NFE2L1: variants seen among roughly 807,000 people sequenced by gnomAD.
NFE2L1 encodes endoplasmic reticulum membrane sensor NFE2L1.
A neutral mutation model predicts 61.6 loss-of-function variants in NFE2L1; 18 were observed. The ratio of observed to expected loss-of-function variants is 0.29; its 90% CI spans 0.20 to 0.43. The LOEUF (loss-of-function observed/expected upper bound fraction) is 0.43, where lower values mean the gene tolerates loss of function less well. Ranked by LOEUF, NFE2L1 falls within the 20% of genes least tolerant of loss-of-function variation. NFE2L1 has a pLI of 1.00. For synonymous variants in NFE2L1, 419 were observed against 402.7 expected (o/e 1.04, Z -0.48); for missense variants, 827 against 973.5 (o/e 0.85, Z 2.00).
At position 48,050,926 on chromosome 17, in the gene NFE2L1, G is replaced by A; in HGVS notation, c.-193G>A. ...TGAATGTGGTCTGGAGTGTGTCCTTGGCCTTGGCTCCACAGGGTGTGCTTT... is the reference window on the plus strand; with the variant it reads ...TGAATGTGGTCTGGAGTGTGTCCTTAGCCTTGGCTCCACAGGGTGTGCTTT... On this transcript the variant is annotated 5_prime_UTR_variant, in exon 2 of 6. An upstream open reading frame in the 5' UTR gains an earlier in-frame stop. Transcript: ENST00000362042. The A allele has an allele frequency of 1.6e-6, 1 of 643,226 alleles. No homozygotes were observed. The highest frequency in any genetic ancestry group is 2.7e-5 in the Admixed American group (1 of 37,214). The allele number at this position is 643,226 out of a possible 1,614,324, so 39.8% of individuals were successfully genotyped here. A position where few individuals can be genotyped will look rare whatever the true frequency, so the allele number is the denominator to read the frequency against.
At chr17:48,053,573 T>C (rs959995320) in intron 2 of NFE2L1, among the ~76,000 whole-genome samples, 21 of 152,208 alleles carry the variant, frequency 1.4e-4, no homozygotes, top group African/African-American at 5.1e-4. Context: ...CCCCTTGAGA[T>C]TGGCATTCTG....
In NFE2L1 at chr17:48,058,740, T is replaced by C; in HGVS notation, c.1418T>C (p.Phe473Ser). ...PVQASQLEEEFDSDSGLSLDS... is the reference protein window; with the variant it reads ...PVQASQLEEESDSDSGLSLDS... ...CAGGCCTCCCAGCTGGAGGAGGAAT[T>C]TGACTCTGACTCAGGCCTTTCCTTA... Residue 473 changes from phenylalanine to serine, a missense_variant, in exon 6 of 6, where the codon TTT becomes TCT. Physicochemically the swap from Phe to Ser is radical, Grantham distance 155. Around this residue, in one of 3 missense-constraint regions of NFE2L1, gnomAD observed 667 missense variants for 748.4 expected, o/e 0.89. Coordinates refer to ENST00000362042, the MANE Select transcript of NFE2L1 (RefSeq NM_003204.3). 6.2e-7 allele frequency: 1 copy of C among 1,614,210 alleles called. No homozygotes were observed. The highest frequency in any genetic ancestry group is 8.5e-7 in the Non-Finnish European group (1 of 1,180,024).
rs1555575585 is a variant in NFE2L1 at position 48,060,045 on chromosome 17, C to CCCT, written c.*406_*407insTCC. 2.0e-5 allele frequency: 3 copies of CCCT among 150,104 alleles called. 1 individual carries two copies. The highest frequency in any genetic ancestry group is 1.4e-4 in the Admixed American group (2 of 14,488). The allele number at this position is 150,104 out of a possible 1,614,324, so 9.3% of individuals were successfully genotyped here. On this transcript the variant is annotated 3_prime_UTR_variant, in exon 6 of 6. Transcript: ENST00000362042. ...AGGAAGGAAGGAAGGAACCCCCCCC[C>CCCT]CCCCGAAAAAAAAATCAAAGCGGGA...
At chr17:48,051,798 G>T (rs1183599327) in intron 2 of NFE2L1, among the ~76,000 whole-genome samples, 170 bp downstream of exon 2, 1 of 152,128 alleles carries the variant, frequency 6.6e-6, no homozygotes, top group East Asian at 1.9e-4. Flanking sequence ...TAGGATTGGG[G>T]GCTGGGAGCA....
intron 2 of NFE2L1, chr17:48,055,048 TG>T: frequency 6.6e-7 from 1 of 1,512,504 alleles, no homozygotes; most frequent in Non-Finnish European, 8.8e-7. Flanking sequence ...GCTCTCACAG[TG>T]GTGGGGGCCA....
At chr17:48,056,017 G>A (rs954971145) in intron 2 of NFE2L1, 2 of 213,658 alleles carry the variant, frequency 9.4e-6, no homozygotes, top group African/African-American at 4.6e-5. Context: ...CAAGTTTTAA[G>A]GGGTCCAATC....
In NFE2L1 at chr17:48,057,377, G is replaced by C; in HGVS notation, c.847G>C (p.Val283Leu). ...PADISSITEA[V>L]PSESEPPALQ... is the part of the protein sequence containing the mutation. ...AGACATTTCCAGCATAACAGAAGCA[G>C]TGCCTAGTGAGAGTGAGCCCCCTGC... Residue 283 changes from valine (V) to leucine (L), a missense_variant, in exon 5 of 6, where the codon GTG becomes CTG. Around this residue, in one of 3 missense-constraint regions of NFE2L1, gnomAD observed 667 missense variants for 748.4 expected, o/e 0.89. Coordinates refer to ENST00000362042, the MANE Select transcript of NFE2L1 (RefSeq NM_003204.3). 1 of 1,614,208 alleles carries C rather than the reference G, an allele frequency of 6.2e-7. No homozygotes were observed. The highest frequency in any genetic ancestry group is 8.5e-7 in the Non-Finnish European group (1 of 1,180,026).
In NFE2L1 at chr17:48,059,898, T is replaced by G. The variant is rs958029867; in HGVS notation, c.*257T>G. ...CTACCCCTTTCCTGTGAGGCAGGGG[T>G]GGTGGTGGAGTTGCTGGAGGTAGAG... On this transcript the variant is annotated 3_prime_UTR_variant, in exon 6 of 6. Transcript: ENST00000362042. This position sits in a 1 kb window ranked among gnomAD's most constrained non-coding sequence, Gnocchi z 6.1. 7.2e-5 allele frequency: 34 copies of G among 471,240 alleles called. No individual in the cohort carries two copies. Among genetic ancestry groups the G allele is most frequent in the Non-Finnish European group, 1.0e-4 (28 of 273,114 alleles). 29.2% of individuals were successfully genotyped at this position (471,240 alleles called of 1,614,324 possible).
In NFE2L1 at chr17:48,051,036, C is replaced by T; in HGVS notation, c.-83C>T. 4 of 1,560,652 alleles carry T rather than the reference C, an allele frequency of 2.6e-6. No homozygotes were observed. The highest frequency in any genetic ancestry group is 3.5e-6 in the Non-Finnish European group (4 of 1,141,554). ...GACACTGAGGAGGGTAACCTGCTGG[C>T]TGGAGCGGCAGAGCAGTGGCCTTGA... is the stretch of plus-strand genomic sequence containing the variant. On this transcript the variant is annotated 5_prime_UTR_variant, in exon 2 of 6. Coordinates refer to ENST00000362042, the MANE Select transcript of NFE2L1 (RefSeq NM_003204.3).
chr17:48,055,326 G>A (rs557830140), intron 2 of NFE2L1, among the ~76,000 whole-genome samples: 4 of 152,256 alleles, frequency 2.6e-5, no homozygotes, highest in Admixed American at 6.5e-5. Flanking sequence ...ACACTTTAGG[G>A]TTTCTTCAGG....
In NFE2L1 at chr17:48,050,621, C is replaced by G. The variant is rs2037226441; in HGVS notation, c.-498C>G. ...TCCCATTTCAGGTTTCTCTGGAAAC[C>G]CCCCTGGTAAGTGTGGAGGAGGCGG... On this transcript the variant is annotated 5_prime_UTR_variant, in exon 2 of 6. Transcript: ENST00000362042. 1.2e-5 allele frequency: 5 copies of G among 408,666 alleles called. No individual in the cohort carries two copies. In the Middle Eastern group the frequency reaches 2.5e-3, roughly 205 times the overall value. The allele number at this position is 408,666 out of a possible 1,614,324, so 25.3% of individuals were successfully genotyped here.
rs2037145270 is a variant in NFE2L1 at position 48,048,386 on chromosome 17, C to G, written c.-589C>G. ...GCGGAGGCTCCGAGCTCTAGGCCGG[C>G]CGGCGGTGGCGGCGGCGAGGCCGGG... On this transcript the variant is annotated 5_prime_UTR_variant, in exon 1 of 6. Coordinates refer to ENST00000362042, the MANE Select transcript of NFE2L1 (RefSeq NM_003204.3). The G allele has an allele frequency of 6.5e-6, 1 of 153,130 alleles. No individual in the cohort carries two copies. Among genetic ancestry groups the G allele is most frequent in the Non-Finnish European group, 1.5e-5 (1 of 68,698 alleles). 9.5% of individuals were successfully genotyped at this position (153,130 alleles called of 1,614,324 possible). A position where few individuals can be genotyped will look rare whatever the true frequency, so the allele number is the denominator to read the frequency against.
rs1440379523 is a variant in NFE2L1, at chr17:48,051,117, C to T, written c.-2C>T. On this transcript the variant is annotated 5_prime_UTR_variant, in exon 2 of 6. Coordinates refer to ENST00000362042, the MANE Select transcript of NFE2L1 (RefSeq NM_003204.3). ...AAGCATAAACATTCTGGTCCTTCAG[C>T]AATGCTTTCTCTGAAGAAATACTTA... 6.2e-7 allele frequency: 1 copy of T among 1,614,094 alleles called. No homozygotes were observed. Among genetic ancestry groups the T allele is most frequent in the African/African-American group, 1.3e-5 (1 of 74,934 alleles).
rs767878243 is a variant in NFE2L1, at chr17:48,056,441, G to C, written c.566G>C (p.Arg189Pro). The C allele has an allele frequency of 1.4e-5, 23 of 1,614,188 alleles. No individual in the cohort carries two copies. Among genetic ancestry groups the C allele is most frequent in the Non-Finnish European group, 1.9e-5 (22 of 1,180,032 alleles). Residue 189 changes from arginine to proline, a missense_variant, in exon 3 of 6, where the codon CGT becomes CCT. Physicochemically the swap from Arg to Pro is moderately radical, Grantham distance 103. Coordinates refer to ENST00000362042, the MANE Select transcript of NFE2L1 (RefSeq NM_003204.3). ...WRQDIDLGAG[R>P]EVFDYSHRQK... ...CAGGATATTGATCTGGGGGCTGGGC[G>C]TGAGGTTTTTGACTATAGTCACCGC... is the stretch of plus-strand genomic sequence containing the variant.
At chr17:48,049,809 C>T in intron 1 of NFE2L1, among the ~76,000 whole-genome samples, 1 of 152,242 alleles carries the variant, frequency 6.6e-6, no homozygotes, top group East Asian at 1.9e-4. Context: ...TGTCCTTCCA[C>T]ACTCTCACTG....
chr17:48,057,209 G>C, intron 4 of NFE2L1, 88 bp downstream of exon 4: 1 of 1,586,632 alleles, frequency 6.3e-7, no homozygotes. Flanking sequence ...CCAGCTGTTG[G>C]TTCTGGCCTT....
intron 5 of NFE2L1, 119 bp downstream of exon 5, chr17:48,057,621 G>A: frequency 7.6e-7 from 1 of 1,320,486 alleles, no homozygotes; most frequent in Non-Finnish European, 1.0e-6. Context: ...TCATAGAGAA[G>A]TGGGGACAAT....
At chr17:48,050,407 A>G (rs1009266121) in intron 1 of NFE2L1, among the ~76,000 whole-genome samples, 200 bp from the exon 2 acceptor site, 8 of 152,044 alleles carry the variant, frequency 5.3e-5, no homozygotes, top group African/African-American at 1.9e-4. Context: ...TGAATGCAGA[A>G]GGTGGAGGTT....
rs544111576 is a variant in NFE2L1 at position 48,056,157 on chromosome 17, A to G, written c.511-229A>G. 8.4e-6 allele frequency: 5 copies of G among 598,710 alleles called. No individual in the cohort carries two copies. The South Asian group carries it at 9.5e-5, about 11-fold the overall frequency. The allele number at this position is 598,710 out of a possible 1,614,324, so 37.1% of individuals were successfully genotyped here. A position where few individuals can be genotyped will look rare whatever the true frequency, so the allele number is the denominator to read the frequency against. On this transcript the variant is annotated intron_variant, in intron 2 of 5. Transcript: ENST00000362042. ...GCACCCTTATGGTGATAGTCACACT[A>G]ATGGTTTTGCTAGTGGCTCTTTTTT... is the stretch of plus-strand genomic sequence containing the variant.
Sources: allele counts gnomAD v4.1 joint callset (sites outside exome capture counted in the v4.1 genomes callset), GRCh38; gene constraint gnomAD v4.1.1; regional missense constraint gnomAD v4.1.1; non-coding constraint Gnocchi (gnomAD v3.1); transcripts MANE v1.5; gene names NCBI Gene and HGNC (gene_info 2026-07-23, HGNC 2026-07-21).